The following UQCRC1 variants were observed in gnomAD, a reference collection of about 807,000 sequenced individuals.
The protein encoded by UQCRC1 is cytochrome b-c1 complex subunit 1, mitochondrial.
Under a neutral mutation model 58.0 loss-of-function variants are expected in UQCRC1, and 34 were observed. The observed-to-expected ratio is 0.59, with a 90% CI of 0.45 to 0.78. The LOEUF (loss-of-function observed/expected upper bound fraction) is 0.78. UQCRC1 is among the 30% of genes least tolerant of loss of function. UQCRC1 has a pLI of 0.00. For synonymous variants in UQCRC1, 276 were observed against 248.8 expected, an observed-to-expected ratio of 1.11 and a Z score of -1.03; for missense variants, 610 against 646.0, an observed-to-expected ratio of 0.94 and a Z score of 0.60.
chr3:48,609,037 G>A lies in UQCRC1; in HGVS notation c.210+125C>T, dbSNP rs945598049. On this transcript the variant is annotated intron_variant, in intron 2 of 12. Coordinates refer to ENST00000203407, the MANE Select transcript of UQCRC1 (RefSeq NM_003365.3). ...TAGGGAATGGGGCCATTCTCGGGGT[G>A]AGTGGTCCTGGGTCCGAACCCAAAC... 12 of 1,325,494 alleles carry A rather than the reference G, an allele frequency of 9.1e-6. No individual in the cohort carries two copies. In the African/African-American group the frequency reaches 1.6e-4, roughly 18 times the overall value. 82.1% of individuals were successfully genotyped at this position (1,325,494 alleles called of 1,614,324 possible).
At chr3:48,602,562 G>A (rs2046376274) in intron 6 of UQCRC1, among the ~76,000 whole-genome samples, 1 of 137,710 alleles carries the variant, frequency 7.3e-6, no homozygotes, top group African/African-American at 2.7e-5. Flanking sequence ...TCACTCTGTT[G>A]TGCAGGCCGG....
chr3:48,599,286 A>G, intron 12 of UQCRC1, 94 bp from the exon 13 acceptor site: 1 of 1,346,126 alleles, frequency 7.4e-7, no homozygotes, highest in Non-Finnish European at 1.0e-6. Flanking sequence ...TGCTGCCCAG[A>G]GCAGCACAAG....
chr3:48,605,738 A>C (rs763186030), intron 3 of UQCRC1, 32 bp downstream of exon 3: 2 of 1,604,358 alleles, frequency 1.2e-6, no homozygotes, highest in Non-Finnish European at 1.7e-6. Context: ...GGCAGCCCTA[A>C]GCCCAGAGGA....
Position 48,600,277 on chromosome 3 carries a change from CTCTCT to C in UQCRC1, c.1214-131_1214-127del, listed in dbSNP as rs1357440148. 8 of 1,161,372 alleles carry C rather than the reference CTCTCT, an allele frequency of 6.9e-6. No homozygotes were observed. In the African/African-American group the frequency reaches 1.1e-4, roughly 15 times the overall value. 71.9% of individuals were successfully genotyped at this position (1,161,372 alleles called of 1,614,324 possible). A position where few individuals can be genotyped will look rare whatever the true frequency, so the allele number is the denominator to read the frequency against. On this transcript the variant is annotated intron_variant, in intron 10 of 12. Coordinates refer to ENST00000203407, the MANE Select transcript of UQCRC1 (RefSeq NM_003365.3). ...CCTCATGCTGACTCAGATCACAGCC[CTCTCT>C]TCTATGGTCACCTATTATGGCAGTG... is the stretch of plus-strand genomic sequence containing the variant.
chr3:48,607,559 CTTTT>C (rs112257968), intron 2 of UQCRC1, among the ~76,000 whole-genome samples: 2 of 139,528 alleles, frequency 1.4e-5, no homozygotes, highest in Non-Finnish European at 1.6e-5. Flanking sequence ...CCATTTTTTT[CTTTT>C]TTTTTTTTTT....
intron 6 of UQCRC1, 43 bp from the exon 7 acceptor site, chr3:48,601,510 A>G (rs1417648087): frequency 1.3e-6 from 2 of 1,591,526 alleles, no homozygotes; most frequent in Non-Finnish European, 1.7e-6. Context: ...CCAGGGCCCA[A>G]GGCACAGGGT....
At chr3:48,599,349 C>A in intron 12 of UQCRC1, 157 bp from the exon 13 acceptor site, 1 of 900,464 alleles carries the variant, frequency 1.1e-6, no homozygotes, top group Non-Finnish European at 1.7e-6. Flanking sequence ...GGTGCTGAGC[C>A]TGTCCCTTCA....
Position 48,605,862 on chromosome 3 carries a change from C to T in UQCRC1, c.211-6G>A. 6.2e-7 allele frequency: 1 copy of T among 1,613,290 alleles called. No individual in the cohort carries two copies. The highest frequency in any genetic ancestry group is 8.5e-7 in the Non-Finnish European group (1 of 1,179,686). On this transcript the variant is annotated splice_polypyrimidine_tract_variant and splice_region_variant and intron_variant, in intron 2 of 12. Coordinates refer to ENST00000203407, the MANE Select transcript of UQCRC1 (RefSeq NM_003365.3). ...ACATCAATCCACACTCCCACCTGGT[C>T]AAGAAGCCACCAGAAAAGGTTACAA... is the stretch of plus-strand genomic sequence containing the variant.
intron 2 of UQCRC1, among the ~76,000 whole-genome samples, 197 bp downstream of exon 2, chr3:48,608,965 T>C (rs1359319698): frequency 6.6e-6 from 1 of 152,180 alleles, no homozygotes; most frequent in East Asian, 1.9e-4. Context: ...CTAAATAATG[T>C]TGGCTTATAG....
rs763832500 is a variant in UQCRC1 at position 48,604,258 on chromosome 3, C to T, written c.601G>A (p.Val201Met). The T allele has an allele frequency of 1.9e-6, 3 of 1,612,962 alleles. No individual in the cohort carries two copies. Among genetic ancestry groups the T allele is most frequent in the Non-Finnish European group, 1.7e-6 (2 of 1,180,034 alleles). Residue 201 changes from valine to methionine, a missense_variant, in exon 5 of 13, where the codon GTG becomes ATG. Transcript: ENST00000203407. ...CTGACATTCTCACTGGGCCCCTCCA[C>T]AGCCTGGGCTAGAGGTGTGCCCTGG... ...AFQGTPLAQA[V>M]EGPSENVRKL...
intron 12 of UQCRC1, 26 bp from the exon 13 acceptor site, chr3:48,599,218 G>T: frequency 6.3e-7 from 1 of 1,578,876 alleles, no homozygotes; most frequent in South Asian, 1.2e-5. Flanking sequence ...GGAGCGTCAG[G>T]GTGGGGTACC....
chr3:48,605,711 C>A (rs2046405270), intron 3 of UQCRC1, 59 bp downstream of exon 3: 3 of 1,550,058 alleles, frequency 1.9e-6, no homozygotes, highest in Non-Finnish European at 2.6e-6. Flanking sequence ...TGACCTTCAT[C>A]CTCAGGAGGG....
rs747134815 is a variant in UQCRC1 at position 48,609,322 on chromosome 3, C to G, written c.70-20G>C. ...GGCCGGCTGTGGAAGGGAACAGCCG[C>G]GAGTGAGGACTCGGTCAGGGGATCG... On this transcript the variant is annotated intron_variant, in intron 1 of 12. Coordinates refer to ENST00000203407, the MANE Select transcript of UQCRC1 (RefSeq NM_003365.3). 1 of 1,593,258 alleles carries G rather than the reference C, an allele frequency of 6.3e-7. No individual in the cohort carries two copies. Among genetic ancestry groups the G allele is most frequent in the South Asian group, 1.1e-5 (1 of 90,228 alleles).
chr3:48,600,901 C>A, intron 8 of UQCRC1, 61 bp from the exon 9 acceptor site: 1 of 1,610,396 alleles, frequency 6.2e-7, no homozygotes, highest in Non-Finnish European at 8.5e-7. Flanking sequence ...CTGTGACCCC[C>A]ACGCACAGGA....
chr3:48,606,866 CTTTTT>C (rs549239973), intron 2 of UQCRC1, among the ~76,000 whole-genome samples: 1 of 145,854 alleles, frequency 6.9e-6, no homozygotes, highest in Non-Finnish European at 1.5e-5. Flanking sequence ...TTCCTAAGTA[CTTTTT>C]TTTTTTTTTG....
intron 1 of UQCRC1, 74 bp from the exon 2 acceptor site, chr3:48,609,376 C>T: frequency 6.5e-7 from 1 of 1,546,706 alleles, no homozygotes; most frequent in Middle Eastern, 1.7e-4. Context: ...CTCAGGAGGA[C>T]CCCCGAACCC....
rs62618742 is a variant in UQCRC1 at position 48,601,368 on chromosome 3, C to T, written c.806G>A (p.Arg269His). The change falls in exon 7 of 13, where the codon CGC (arginine) becomes CAC (histidine). Residue 269 changes from arginine (R) to histidine (H), a missense_variant. Transcript: ENST00000203407. ...EDAVPTLTPC[R>H]FTGSEIRHRD... ...GCAGCATACCTCACTGCCAGTGAAG[C>T]GGCATGGAGTAAGAGTGGGCACAGC... The T allele has an allele frequency of 0.024, 39,446 of 1,614,086 alleles. 572 individuals are homozygous for T. The highest frequency in any genetic ancestry group is 0.029 in the Non-Finnish European group (34,737 of 1,179,974).
At chr3:48,599,534 G>T in intron 12 of UQCRC1, 101 bp downstream of exon 12, 1 of 1,335,810 alleles carries the variant, frequency 7.5e-7, no homozygotes, top group Non-Finnish European at 1.1e-6. Flanking sequence ...TTAACTGGCT[G>T]CTCTGTAAGC....
chr3:48,606,676 AGAGGAT>A (rs1252051189), intron 2 of UQCRC1, among the ~76,000 whole-genome samples: 3 of 151,706 alleles, frequency 2.0e-5, no homozygotes, highest in Non-Finnish European at 4.4e-5. Flanking sequence ...CCCAAGAGGC[AGAGGAT>A]GTAGTGAGCC....
Sources: gnomAD v4.1 joint callset for allele counts (sites outside exome capture counted in the v4.1 genomes callset) on GRCh38, gnomAD v4.1.1 for gene constraint, MANE v1.5 for transcripts, NCBI Gene and HGNC (gene_info 2026-07-23, HGNC 2026-07-21) for gene names.